Variants in DLGAP2 observed in about 807,000 individuals in gnomAD.
The protein encoded by DLGAP2 is DLG associated protein 2.
DLGAP2 carries 26 observed loss-of-function variants against 100.3 expected under a neutral mutation model. The ratio of observed to expected loss-of-function variants is 0.26; its 90% confidence interval spans 0.19 to 0.36. The LOEUF (loss-of-function observed/expected upper bound fraction) is 0.36. Ranked by LOEUF, DLGAP2 falls within the 10% of genes least tolerant of loss-of-function variation. The pLI, the probability that DLGAP2 is intolerant of heterozygous loss-of-function variation, is 1.00. For missense variants in DLGAP2, 1,858 were observed against 1,453.2 expected, an observed-to-expected ratio of 1.28 and a Z score of -4.53; for synonymous variants, 886 against 630.1, an observed-to-expected ratio of 1.41 and a Z score of -6.08.
chr8:1,351,876 C>G (rs1377517764), intron 3 of DLGAP2, among the ~76,000 whole-genome samples: 6 of 83,390 alleles, frequency 7.2e-5, no homozygotes, highest in Admixed American at 1.4e-4. Flanking sequence ...CAGGTCCTGA[C>G]TGTGTTTGGA....
At chr8:808,139 C>T (rs554867860) in intron 1 of DLGAP2, among the ~76,000 whole-genome samples, 11 of 152,254 alleles carry the variant, frequency 7.2e-5, no homozygotes, top group South Asian at 2.1e-4. Context: ...GTCGTCGGCA[C>T]GTGGGTCTTC....
chr8:1,678,297 C>T lies in DLGAP2; in HGVS notation c.2372C>T (p.Thr791Ile), dbSNP rs1798858773. 5.6e-6 allele frequency: 9 copies of T among 1,613,876 alleles called. No individual in the cohort carries two copies. Among genetic ancestry groups the T allele is most frequent in the African/African-American group, 1.3e-5 (1 of 74,940 alleles). ...CTGGAGGGGTTCCCAGGCCACATCACCACGGAGGACAAAGGCCTTCAGTTC... is the reference window on the plus strand; with the variant it reads ...CTGGAGGGGTTCCCAGGCCACATCATCACGGAGGACAAAGGCCTTCAGTTC... Reference protein sequence around the residue: ...LELEGFPGHITTEDKGLQFGS... With the variant: ...LELEGFPGHIITEDKGLQFGS... The change falls in exon 12 of 15, where the codon ACC becomes ATC. Residue 791 changes from threonine to isoleucine, a missense_variant. Thr to Ile is a moderately conservative substitution (Grantham distance 89). Transcript: ENST00000637795.
At chr8:1,406,632 C>A (rs1162149294) in intron 3 of DLGAP2, among the ~76,000 whole-genome samples, 10 of 32,656 alleles carry the variant, frequency 3.1e-4, no homozygotes, top group African/African-American at 2.2e-3. Flanking sequence ...ACTGAGCGCT[C>A]CCTCCTTGTC....
intron 3 of DLGAP2, chr8:1,301,335 G>A (rs547935526): frequency 1.3e-5 from 2 of 152,434 alleles, no homozygotes; most frequent in African/African-American, 4.8e-5. Flanking sequence ...TGGGCATCAT[G>A]CTCGAGCTCC....
At chr8:1,279,843 C>T (rs1409017710) in intron 3 of DLGAP2, among the ~76,000 whole-genome samples, 1 of 152,190 alleles carries the variant, frequency 6.6e-6, no homozygotes, top group Admixed American at 6.5e-5. Flanking sequence ...ACACCCATGA[C>T]CTTGACCGCC....
At chr8:1,442,617 G>T (rs1288103888) in intron 3 of DLGAP2, among the ~76,000 whole-genome samples, 1 of 147,658 alleles carries the variant, frequency 6.8e-6, no homozygotes, top group Non-Finnish European at 1.5e-5. Flanking sequence ...TCGGGGCATA[G>T]ACCCGCCAGG....
chr8:1,209,175 A>T (rs1798054613), intron 2 of DLGAP2, among the ~76,000 whole-genome samples: 1 of 152,176 alleles, frequency 6.6e-6, no homozygotes, highest in African/African-American at 2.4e-5. Flanking sequence ...TGGAACCAAA[A>T]AAGAGCCTGC....
At chr8:1,422,526 G>C (rs964249697) in intron 3 of DLGAP2, among the ~76,000 whole-genome samples, 8 of 150,882 alleles carry the variant, frequency 5.3e-5, no homozygotes, top group Non-Finnish European at 1.2e-4. Context: ...TCCCATGAAG[G>C]CAGAAGAGTG....
chr8:1,203,826 G>A (rs1404988507), intron 2 of DLGAP2, among the ~76,000 whole-genome samples: 1 of 152,182 alleles, frequency 6.6e-6, no homozygotes, highest in Non-Finnish European at 1.5e-5. Context: ...TGAGTGGATG[G>A]TGCAGCAGTC....
chr8:1,647,229 C>T (rs773205144), intron 8 of DLGAP2, among the ~76,000 whole-genome samples: 10 of 152,020 alleles, frequency 6.6e-5, no homozygotes, highest in East Asian at 1.9e-4. Flanking sequence ...GGAACCCTAG[C>T]GTAAGGTATT....
rs367917561 is a variant in DLGAP2, at chr8:1,336,788, C to G, written c.106+77905C>G. ...GCTCCTCTCACCCTCTTTTAATAAACTACTTAAGAGCTGTTGTTCATTTAA... is the reference window on the plus strand; with the variant it reads ...GCTCCTCTCACCCTCTTTTAATAAAGTACTTAAGAGCTGTTGTTCATTTAA... On this transcript the variant is annotated intron_variant, in intron 3 of 14. Transcript: ENST00000637795. Among the ~76,000 whole-genome samples, 209 of 152,298 alleles carry G rather than the reference C, an allele frequency of 1.4e-3. 1 individual carries two copies. Among genetic ancestry groups the G allele is most frequent in the African/African-American group, 4.9e-3 (205 of 41,578 alleles).
chr8:1,358,032 G>C lies in DLGAP2; in HGVS notation c.106+99149G>C, dbSNP rs534892144. ...GACAAACCAAATGGAGGAAGGAGGG[G>C]AACAGCTGGCAGGTGCTCCAGGAGT... On this transcript the variant is annotated intron_variant, in intron 3 of 14. Transcript: ENST00000637795. 5.9e-5 allele frequency among the ~76,000 whole-genome samples: 9 copies of C among 152,296 alleles called. No homozygotes were observed. The South Asian group carries it at 1.7e-3, about 28-fold the overall frequency.
chr8:1,707,228 G>C lies in DLGAP2; in HGVS notation c.*5822G>C, dbSNP rs550656060. 5.2e-5 allele frequency: 8 copies of C among 152,604 alleles called. No homozygotes were observed. Among genetic ancestry groups the C allele is most frequent in the East Asian group, 3.8e-4 (2 of 5,196 alleles). The allele number at this position is 152,604 out of a possible 1,614,324, so 9.5% of individuals were successfully genotyped here. On this transcript the variant is annotated 3_prime_UTR_variant, in exon 15 of 15. Transcript: ENST00000637795. ...GCTTTCACCTACTCAATGGAGGAGAGGTGATAATGAATGAAAAGATTGACA... is the reference window on the plus strand; with the variant it reads ...GCTTTCACCTACTCAATGGAGGAGACGTGATAATGAATGAAAAGATTGACA...
chr8:1,277,082 C>G (rs1024922698), intron 3 of DLGAP2, among the ~76,000 whole-genome samples: 1 of 152,086 alleles, frequency 6.6e-6, no homozygotes, highest in African/African-American at 2.4e-5. Flanking sequence ...CAAGTTGTAC[C>G]TTCTGGAATA....
At chr8:827,050 G>T (rs1796696622) in intron 1 of DLGAP2, among the ~76,000 whole-genome samples, 1 of 152,128 alleles carries the variant, frequency 6.6e-6, no homozygotes, top group Non-Finnish European at 1.5e-5. Context: ...TGTCCCCGGG[G>T]ACATTTGGCA....
chr8:971,487 A>G (rs1292793738), intron 2 of DLGAP2, among the ~76,000 whole-genome samples: 1 of 152,232 alleles, frequency 6.6e-6, no homozygotes, highest in Non-Finnish European at 1.5e-5. Flanking sequence ...CACTGGGAGA[A>G]GCAGCCCCAG....
At chr8:1,392,185 C>T (rs181171990) in intron 3 of DLGAP2, among the ~76,000 whole-genome samples, 17 of 152,282 alleles carry the variant, frequency 1.1e-4, no homozygotes, top group Admixed American at 7.8e-4. Flanking sequence ...GTTCCAGGCT[C>T]GGGTGCCATT....
chr8:1,519,099 C>G (rs896354927), intron 4 of DLGAP2, among the ~76,000 whole-genome samples: 33 of 152,096 alleles, frequency 2.2e-4, no homozygotes, highest in Non-Finnish European at 4.3e-4. Context: ...GGAAGGGATA[C>G]GAAGGCTTGG....
intron 3 of DLGAP2, among the ~76,000 whole-genome samples, chr8:1,267,568 T>TAAAAG (rs1554429907): frequency 2.1e-5 from 1 of 48,218 alleles, no homozygotes; most frequent in Non-Finnish European, 4.3e-5. Context: ...CAAAATAAAA[T>TAAAAG]AAAATAAAAT....
Sources: gnomAD v4.1 joint callset for allele counts (sites outside exome capture counted in the v4.1 genomes callset) on GRCh38, gnomAD v4.1.1 for gene constraint, MANE v1.5 for transcripts, NCBI Gene and HGNC (gene_info 2026-07-23, HGNC 2026-07-21) for gene names.